The following NAALADL2 variants were observed in gnomAD, a reference collection of about 807,000 sequenced individuals.
NAALADL2 encodes the protein N-acetylated alpha-linked acidic dipeptidase like 2.
Under a neutral mutation model 87.2 loss-of-function variants are expected in NAALADL2, and 76 were observed. The ratio of observed to expected loss-of-function variants is 0.87; its 90% CI spans 0.72 to 1.05. The LOEUF (loss-of-function observed/expected upper bound fraction) is 1.05, where lower values mean the gene tolerates loss of function less well. NAALADL2 is among the 50% of genes least tolerant of loss of function. NAALADL2 has a pLI of 0.00. For missense variants in NAALADL2, 1,089 were observed against 945.8 expected, an observed-to-expected ratio of 1.15 and a Z score of -1.99; for synonymous variants, 354 against 331.0, an observed-to-expected ratio of 1.07 and a Z score of -0.75.
intron 4 of NAALADL2, among the ~76,000 whole-genome samples, chr3:175,309,664 C>A (rs1234478952): frequency 6.6e-6 from 1 of 151,776 alleles, no homozygotes; most frequent in East Asian, 1.9e-4. Context: ...GCAAAGAAAT[C>A]ACATAACCTA....
chr3:174,962,371 C>CATATATATATAT (rs140830010), intron 1 of NAALADL2, among the ~76,000 whole-genome samples: 1 of 75,744 alleles, frequency 1.3e-5, no homozygotes, highest in African/African-American at 5.3e-5. Flanking sequence ...GTGACTATGA[C>CATATATATATAT]ATATATATAT....
intron 5 of NAALADL2, among the ~76,000 whole-genome samples, chr3:175,342,243 G>C (rs946162588): frequency 7.9e-5 from 12 of 152,200 alleles, no homozygotes; most frequent in African/African-American, 2.6e-4. Context: ...GTCTATACAT[G>C]TGATAGGTTT....
chr3:175,366,630 T>C (rs1765608740), intron 5 of NAALADL2, among the ~76,000 whole-genome samples: 1 of 151,894 alleles, frequency 6.6e-6, no homozygotes, highest in African/African-American at 2.4e-5. Flanking sequence ...CATTTTTTCA[T>C]GTGTCTGTTG....
At chr3:175,228,672 C>G (rs1171279660) in intron 2 of NAALADL2, among the ~76,000 whole-genome samples, 18 of 151,974 alleles carry the variant, frequency 1.2e-4, no homozygotes, top group Non-Finnish European at 7.4e-5. Flanking sequence ...TCATAGTTCT[C>G]CCATAATGAG....
intron 1 of NAALADL2, among the ~76,000 whole-genome samples, chr3:174,467,826 C>A (rs1716631479): frequency 6.6e-6 from 1 of 151,808 alleles, no homozygotes. Context: ...AAAATATATT[C>A]ATGTTTATAT....
intron 2 of NAALADL2, among the ~76,000 whole-genome samples, chr3:174,609,434 T>C (rs1261605190): frequency 6.6e-6 from 1 of 151,926 alleles, no homozygotes. Flanking sequence ...CAGCCCAAAA[T>C]CTCCTTAAGC....
At chr3:175,777,757 T>C (rs1750443548) in intron 13 of NAALADL2, among the ~76,000 whole-genome samples, 1 of 152,154 alleles carries the variant, frequency 6.6e-6, no homozygotes, top group Non-Finnish European at 1.5e-5. Context: ...ATTAGTACTG[T>C]AGTTTATCCA....
intron 3 of NAALADL2, among the ~76,000 whole-genome samples, chr3:174,763,835 A>C (rs202165356): frequency 0.25 from 38,511 of 151,220 alleles, 5,125 homozygotes; most frequent in East Asian, 0.4. Context: ...AAAACAAAAA[A>C]AAAAAAACAA....
At chr3:175,660,017 G>T (rs182854314) in intron 11 of NAALADL2, among the ~76,000 whole-genome samples, 4 of 152,230 alleles carry the variant, frequency 2.6e-5, no homozygotes, top group African/African-American at 9.6e-5. Context: ...CAGCAGATTT[G>T]ATTTCAAATG....
intron 3 of NAALADL2, among the ~76,000 whole-genome samples, chr3:174,797,305 C>CTTTCTTTTTTTTTTTT (rs1718236831): frequency 1.4e-5 from 1 of 72,720 alleles, no homozygotes; most frequent in African/African-American, 7.1e-5. Flanking sequence ...TTTCTTTTTT[C>CTTTCTTTTTTTTTTTT]TTTTTTTTTT....
intron 11 of NAALADL2, among the ~76,000 whole-genome samples, chr3:175,723,445 A>T (rs1742507312): frequency 6.6e-6 from 1 of 152,188 alleles, no homozygotes; most frequent in African/African-American, 2.4e-5. Flanking sequence ...AACAATAAAC[A>T]TTTAGATATT....
At chr3:175,333,839 T>A (rs897225532) in intron 5 of NAALADL2, among the ~76,000 whole-genome samples, 1 of 152,154 alleles carries the variant, frequency 6.6e-6, no homozygotes, top group Non-Finnish European at 1.5e-5. Flanking sequence ...CTTGAAATGT[T>A]CCCAATGTAC....
intron 12 of NAALADL2, among the ~76,000 whole-genome samples, chr3:175,744,989 A>T (rs951898032): frequency 1.3e-5 from 2 of 151,812 alleles, no homozygotes; most frequent in African/African-American, 4.8e-5. Flanking sequence ...GCTGAACCAG[A>T]AAATACTGTT....
At chr3:175,627,219 G>A (rs1727107358) in intron 10 of NAALADL2, 72 bp from the exon 11 acceptor site, 1 of 1,249,416 alleles carries the variant, frequency 8.0e-7, no homozygotes, top group South Asian at 1.4e-5. Flanking sequence ...AATCTTTAAG[G>A]AAAATCCAAT....
At chr3:175,633,389 A>G (rs1728075623) in intron 11 of NAALADL2, among the ~76,000 whole-genome samples, 1 of 152,078 alleles carries the variant, frequency 6.6e-6, no homozygotes, top group African/African-American at 2.4e-5. Context: ...TCCCTAATAA[A>G]TACTCAATTA....
intron 1 of NAALADL2, among the ~76,000 whole-genome samples, chr3:174,863,584 A>G (rs938166554): frequency 6.6e-6 from 1 of 152,034 alleles, no homozygotes; most frequent in African/African-American, 2.4e-5. Flanking sequence ...AAAAGAAAAA[A>G]AAAACAACTC....
chr3:174,587,982 A>G (rs1393317403), intron 2 of NAALADL2, among the ~76,000 whole-genome samples: 3 of 152,202 alleles, frequency 2.0e-5, no homozygotes, highest in African/African-American at 4.8e-5. Context: ...ACTTGGTTCA[A>G]TTCCCCCTGT....
chr3:174,529,063 G>A (rs1442858959), intron 1 of NAALADL2, among the ~76,000 whole-genome samples: 1 of 152,140 alleles, frequency 6.6e-6, no homozygotes, highest in Non-Finnish European at 1.5e-5. Context: ...ACAGTCCAAA[G>A]TCTCATCTGA....
rs768671687 is a variant in NAALADL2 at position 175,364,699 on chromosome 3, C to T, written c.1090+40374C>T. 4.1e-5 allele frequency among the ~76,000 whole-genome samples: 6 copies of T among 147,306 alleles called. 1 individual carries two copies. The highest frequency in any genetic ancestry group is 9.0e-5 in the Non-Finnish European group (6 of 66,328). ...GAGTTCTAATCTCCATTTTTGAAGACAAAGAGACCCTTTTTTTTGAGTCAA... is the reference window on the plus strand; with the variant it reads ...GAGTTCTAATCTCCATTTTTGAAGATAAAGAGACCCTTTTTTTTGAGTCAA... On this transcript the variant is annotated intron_variant, in intron 5 of 13. Transcript: ENST00000454872.
Sources: allele counts gnomAD v4.1 joint callset (sites outside exome capture counted in the v4.1 genomes callset), GRCh38; gene constraint gnomAD v4.1.1; transcripts MANE v1.5; gene names NCBI Gene and HGNC (gene_info 2026-07-23, HGNC 2026-07-21).